Variants in GRAMD4 observed in about 807,000 individuals in gnomAD.
GRAMD4 encodes GRAM domain containing 4.
GRAMD4 carries 25 observed loss-of-function variants against 83.9 expected under a neutral mutation model. The observed-to-expected ratio is 0.30, with a 90% confidence interval of 0.22 to 0.42. The LOEUF (loss-of-function observed/expected upper bound fraction) is 0.42. GRAMD4 is among the 10% of genes least tolerant of loss of function. The pLI, the probability that GRAMD4 is intolerant of heterozygous loss-of-function variation, is 1.00. For missense variants in GRAMD4, 593 were observed against 788.7 expected (o/e 0.75, Z 2.97); for synonymous variants, 336 against 320.9 (o/e 1.05, Z -0.50).
chr22:46,666,983 C>T, intron 10 of GRAMD4, 110 bp downstream of exon 10: 2 of 739,994 alleles, frequency 2.7e-6, no homozygotes, highest in Non-Finnish European at 4.3e-6. Flanking sequence ...TGTGGTCATC[C>T]CCCTGGAGTC....
At chr22:46,623,910 T>C (rs998861384) in intron 1 of GRAMD4, among the ~76,000 whole-genome samples, 1 of 151,832 alleles carries the variant, frequency 6.6e-6, no homozygotes, top group Non-Finnish European at 1.5e-5. Flanking sequence ...CTCTTCCAAG[T>C]AGCTGGGATT....
At chr22:46,579,989 G>T (rs1383989303) in intron 1 of GRAMD4, among the ~76,000 whole-genome samples, 1 of 152,124 alleles carries the variant, frequency 6.6e-6, no homozygotes, top group East Asian at 1.9e-4. Context: ...GGGTGGCCTG[G>T]TCACCCCCTG....
intron 1 of GRAMD4, chr22:46,587,894 G>T (rs936958395): frequency 5.1e-6 from 5 of 985,148 alleles, no homozygotes; most frequent in Non-Finnish European, 6.0e-6. Flanking sequence ...GCGGGAGGAT[G>T]GTACAGGGCT....
intron 1 of GRAMD4, among the ~76,000 whole-genome samples, chr22:46,577,456 G>C (rs1419148025): frequency 2.0e-5 from 3 of 147,696 alleles, no homozygotes; most frequent in South Asian, 2.1e-4. Flanking sequence ...GGCCCTGCGC[G>C]GGCGCGCCCC....
upstream of GRAMD4, chr22:46,620,318 C>T (rs138490): frequency 1 from 985,657 of 985,666 alleles, 492,824 homozygotes; most frequent in Middle Eastern, 1. This position sits in a 1 kb window ranked among gnomAD's most constrained non-coding sequence, Gnocchi z 4.7. Flanking sequence ...GGCCGGGCGC[C>T]GCCCTGAGCC....
rs1031357698 is a variant in GRAMD4, at chr22:46,678,036, G to A, written c.*785G>A. The A allele has an allele frequency of 2.6e-5, 26 of 985,670 alleles. No homozygotes were observed. The African/African-American group carries it at 4.4e-4, about 17-fold the overall frequency. The allele number at this position is 985,670 out of a possible 1,614,324, so 61.1% of individuals were successfully genotyped here. On this transcript the variant is annotated 3_prime_UTR_variant, in exon 19 of 19. Coordinates refer to ENST00000406902, the MANE Select transcript of GRAMD4 (RefSeq NM_015124.5). ...GAGGTCTGTAGCTGGGGACCAGTAA[G>A]GGCACAGGATGGTGCAGGTAAAAGC...
intron 1 of GRAMD4, among the ~76,000 whole-genome samples, chr22:46,583,560 C>T (rs2081118283): frequency 6.6e-6 from 1 of 152,206 alleles, no homozygotes; most frequent in Non-Finnish European, 1.5e-5. Flanking sequence ...CTCTGACAGT[C>T]TTAAGAAATA....
chr22:46,626,962 G>A lies in GRAMD4; in HGVS notation c.162+1G>A. 6.2e-7 allele frequency: 1 copy of A among 1,608,118 alleles called. No homozygotes were observed. The highest frequency in any genetic ancestry group is 8.5e-7 in the Non-Finnish European group (1 of 1,174,740). On this transcript the variant is annotated splice_donor_variant, in intron 2 of 18. Coordinates refer to ENST00000406902, the MANE Select transcript of GRAMD4 (RefSeq NM_015124.5). LOFTEE classifies it high-confidence loss of function. ...GGACAGCGAGGAGCTGAGGGACCCT[G>A]TGAGTACCTGTCCTCGTCCCCCGGT... is the stretch of plus-strand genomic sequence containing the variant.
At chr22:46,656,935 G>GGGCCACAGCCAGCCCTCAGCCACCATA (rs1287189013) in intron 3 of GRAMD4, among the ~76,000 whole-genome samples, 13 of 151,990 alleles carry the variant, frequency 8.6e-5, no homozygotes, top group Non-Finnish European at 1.9e-4. Context: ...CAGCCACCAT[G>GGGCCACAGCCAGCCCTCAGCCACCATA]GGCCACAGCC....
At position 46,601,435 on chromosome 22, in the gene GRAMD4, T is replaced by C. The variant is rs981601861; in HGVS notation, c.-50+24145T>C. 8.5e-5 allele frequency among the ~76,000 whole-genome samples: 13 copies of C among 152,238 alleles called. No individual in the cohort carries two copies. In the South Asian group the frequency reaches 2.3e-3, roughly 27 times the overall value. ...AGGTCTTAGGCAAGATTCTCTGCCATGTGAATTAGGGTGTTTTGGGTTTTT... is the reference window on the plus strand; with the variant it reads ...AGGTCTTAGGCAAGATTCTCTGCCACGTGAATTAGGGTGTTTTGGGTTTTT... On this transcript the variant is annotated intron_variant, in intron 1 of 1. Coordinates refer to the GRAMD4 transcript ENST00000431155.
Position 46,677,242 on chromosome 22 carries a change from G to C in GRAMD4, c.1728G>C (p.Gly576=). Residue 576 remains glycine (G), a synonymous_variant, in exon 19 of 19, where the codon GGG becomes GGC. Transcript: ENST00000406902. ...IKITSAAASG[G]DS The stretch of plus-strand genomic sequence containing the variant: ...TCACCTCAGCGGCAGCGTCTGGCGG[G>C]GACAGCTAGTATTGACTTGCCCAGG... The C allele has an allele frequency of 1.2e-6, 2 of 1,612,132 alleles. No homozygotes were observed. The highest frequency in any genetic ancestry group is 1.7e-6 in the Non-Finnish European group (2 of 1,179,418).
chr22:46,637,667 G>A (rs1050030899), intron 2 of GRAMD4, among the ~76,000 whole-genome samples, 173 bp from the exon 3 acceptor site: 2 of 152,182 alleles, frequency 1.3e-5, no homozygotes, highest in Non-Finnish European at 2.9e-5. Context: ...TGGGGGCTCC[G>A]TCGCCCCATC....
intron 1 of GRAMD4, among the ~76,000 whole-genome samples, chr22:46,581,078 G>A (rs1449443975): frequency 1.3e-5 from 2 of 152,118 alleles, no homozygotes; most frequent in Admixed American, 6.5e-5. Flanking sequence ...AGGCCTGGGC[G>A]GACACTTTGG....
At chr22:46,663,889 G>A (rs201826011) in intron 7 of GRAMD4, 26 bp downstream of exon 7, 38 of 1,611,362 alleles carry the variant, frequency 2.4e-5, no homozygotes, top group East Asian at 2.2e-5. Context: ...TCTGCGTGGC[G>A]CCCACGATGC....
chr22:46,644,522 C>T (rs975162038), intron 3 of GRAMD4, among the ~76,000 whole-genome samples: 1 of 151,496 alleles, frequency 6.6e-6, no homozygotes, highest in Non-Finnish European at 1.5e-5. Flanking sequence ...GCCCCTGTTC[C>T]GTGTTACACC....
intron 1 of GRAMD4, among the ~76,000 whole-genome samples, chr22:46,589,388 GGGGGAGCCGT>G (rs1225191256): frequency 6.7e-6 from 1 of 148,970 alleles, no homozygotes; most frequent in Non-Finnish European, 1.5e-5. Context: ...GCTCTGATAT[GGGGGAGCCGT>G]GGGTGTGAGG....
chr22:46,588,668 C>T (rs767883973), intron 1 of GRAMD4, among the ~76,000 whole-genome samples: 2 of 152,164 alleles, frequency 1.3e-5, no homozygotes, highest in Non-Finnish European at 2.9e-5. Flanking sequence ...GCGGGGTGCC[C>T]ACCCTTTCGT....
At chr22:46,644,126 C>T (rs2147256530) in intron 3 of GRAMD4, among the ~76,000 whole-genome samples, 1 of 152,354 alleles carries the variant, frequency 6.6e-6, no homozygotes, top group African/African-American at 2.4e-5. Context: ...CACATTATAT[C>T]CTGTAGGTCA....
intron 2 of GRAMD4, 92 bp downstream of exon 2, chr22:46,627,053 C>A: frequency 1.2e-6 from 1 of 857,836 alleles, no homozygotes; most frequent in Non-Finnish European, 1.9e-6. Flanking sequence ...AGATTCGTGT[C>A]CTGCCCATGC....
Sources: allele counts gnomAD v4.1 joint callset (sites outside exome capture counted in the v4.1 genomes callset), GRCh38; gene constraint gnomAD v4.1.1; non-coding constraint Gnocchi (gnomAD v3.1); transcripts MANE v1.5; gene names NCBI Gene and HGNC (gene_info 2026-07-23, HGNC 2026-07-21).